GOLGA4: variants seen among roughly 807,000 people sequenced by gnomAD.
The protein encoded by GOLGA4 is golgin subfamily A member 4.
Under a neutral mutation model 265.9 loss-of-function variants are expected in GOLGA4, and 169 were observed. The observed-to-expected ratio is 0.64, with a 90% CI of 0.56 to 0.72. The LOEUF (loss-of-function observed/expected upper bound fraction) is 0.72, where lower values mean the gene tolerates loss of function less well. GOLGA4 is among the 30% of genes least tolerant of loss of function. GOLGA4 has a pLI of 0.00. For missense variants in GOLGA4, 2,482 were observed against 2,483.4 expected, an observed-to-expected ratio of 1.00 and a Z score of 0.01; for synonymous variants, 923 against 855.8, an observed-to-expected ratio of 1.08 and a Z score of -1.37.
intron 2 of GOLGA4, among the ~76,000 whole-genome samples, chr3:37,263,641 C>T (rs1415839232): frequency 1.3e-5 from 2 of 152,038 alleles, no homozygotes; most frequent in South Asian, 2.1e-4. Context: ...AACAAAGACT[C>T]CTTAGGCTTT....
At chr3:37,256,219 G>C (rs1380023256) in intron 2 of GOLGA4, among the ~76,000 whole-genome samples, 5 of 151,944 alleles carry the variant, frequency 3.3e-5, no homozygotes, top group African/African-American at 1.2e-4. Flanking sequence ...TGTTCTCTTT[G>C]ATACCACACT....
intron 23 of GOLGA4, 82 bp from the exon 24 acceptor site, chr3:37,365,998 A>C (rs17266090): frequency 2.5e-6 from 3 of 1,198,730 alleles, no homozygotes; most frequent in African/African-American, 1.5e-5. Context: ...ACTTGAAAAA[A>C]CAAATATCCC....
chr3:37,361,347 A>G, intron 23 of GOLGA4, 42 bp downstream of exon 23: 1 of 1,411,602 alleles, frequency 7.1e-7, no homozygotes, highest in Admixed American at 1.7e-5. Flanking sequence ...TGCAAAAATC[A>G]AATGTGTTGC....
At chr3:37,257,594 C>G (rs1404950906) in intron 2 of GOLGA4, among the ~76,000 whole-genome samples, 1 of 151,800 alleles carries the variant, frequency 6.6e-6, no homozygotes, top group Non-Finnish European at 1.5e-5. Context: ...GGGGCTGCTC[C>G]CCTTCCTCTT....
intron 2 of GOLGA4, chr3:37,276,063 A>G (rs2096817242): frequency 1.2e-6 from 2 of 1,612,548 alleles, no homozygotes; most frequent in Admixed American, 3.3e-5. Flanking sequence ...AATGCTCGAG[A>G]TACTTATGTT....
chr3:37,355,256 A>G (rs2151070237), intron 22 of GOLGA4, 69 bp downstream of exon 22: 1 of 815,558 alleles, frequency 1.2e-6, no homozygotes, highest in Non-Finnish European at 2.1e-6. Flanking sequence ...CTCATTTATA[A>G]GGACTTTTGA....
intron 7 of GOLGA4, among the ~76,000 whole-genome samples, chr3:37,296,815 C>T (rs1467854224): frequency 6.6e-6 from 1 of 152,186 alleles, no homozygotes; most frequent in Non-Finnish European, 1.5e-5. Context: ...AAGTAATCTA[C>T]CTGCCTCAGC....
At chr3:37,311,514 G>T (rs559236845) in intron 10 of GOLGA4, among the ~76,000 whole-genome samples, 1 of 152,268 alleles carries the variant, frequency 6.6e-6, no homozygotes, top group African/African-American at 2.4e-5. Context: ...ATATGGCAAG[G>T]TATGGATCGT....
chr3:37,299,122 G>C, intron 8 of GOLGA4, 102 bp downstream of exon 8: 1 of 1,088,100 alleles, frequency 9.2e-7, no homozygotes, highest in Admixed American at 2.5e-5. Flanking sequence ...TGGATGGAAA[G>C]GGCATTTTTG....
rs184643671 is a variant in GOLGA4, at chr3:37,305,470, A to G, written c.1234+3138A>G. Reference sequence around the variant, plus strand: ...TCTAAACAGAACTGTTCAAGTAGGAAGTGATTCTTAGTTCAAATGTAAAGG... The same window carrying G: ...TCTAAACAGAACTGTTCAAGTAGGAGGTGATTCTTAGTTCAAATGTAAAGG... On this transcript the variant is annotated intron_variant, in intron 10 of 23. Coordinates refer to ENST00000361924, the MANE Select transcript of GOLGA4 (RefSeq NM_002078.5). Among the ~76,000 whole-genome samples the G allele has an allele frequency of 2.9e-3, 445 of 152,328 alleles. 3 individuals are homozygous for G. Among genetic ancestry groups the G allele is most frequent in the African/African-American group, 0.01 (433 of 41,584 alleles).
chr3:37,267,448 A>C (rs1486363147), intron 2 of GOLGA4, among the ~76,000 whole-genome samples: 1 of 152,214 alleles, frequency 6.6e-6, no homozygotes, highest in Admixed American at 6.5e-5. Context: ...TTATATATTA[A>C]ACATCTGAAA....
At chr3:37,337,803 C>A (rs2151008625) in intron 19 of GOLGA4, 69 bp downstream of exon 19, 1 of 997,672 alleles carries the variant, frequency 1.0e-6, no homozygotes, top group Admixed American at 1.9e-5. Flanking sequence ...ATCTCAGCTA[C>A]TTTTTAAATA....
At chr3:37,340,029 A>G in intron 19 of GOLGA4, 95 bp from the exon 20 acceptor site, 1 of 594,982 alleles carries the variant, frequency 1.7e-6, no homozygotes, top group Non-Finnish European at 3.0e-6. Context: ...TTCTGTCTTC[A>G]GCATTAAAAA....
intron 10 of GOLGA4, among the ~76,000 whole-genome samples, chr3:37,310,517 T>C (rs1403011887): frequency 2.0e-5 from 3 of 152,206 alleles, no homozygotes; most frequent in Non-Finnish European, 4.4e-5. Context: ...GGTTGGATTA[T>C]TGAGCTACAG....
intron 7 of GOLGA4, among the ~76,000 whole-genome samples, chr3:37,298,243 C>T (rs2096883813): frequency 6.6e-6 from 1 of 152,164 alleles, no homozygotes; most frequent in Admixed American, 6.5e-5. Context: ...TCTCGCCAAG[C>T]ATTCACGGAT....
At chr3:37,342,065 G>A (rs374684002) in intron 20 of GOLGA4, among the ~76,000 whole-genome samples, 137 of 152,208 alleles carry the variant, frequency 9.0e-4, no homozygotes, top group African/African-American at 2.9e-3. Context: ...AAATGAGGCC[G>A]GGTGGGGTGG....
chr3:37,287,194 A>G (rs2096851861), intron 4 of GOLGA4, among the ~76,000 whole-genome samples: 2 of 152,156 alleles, frequency 1.3e-5, no homozygotes, highest in Non-Finnish European at 2.9e-5. Context: ...TACAAAAATC[A>G]GCCGGGTGTG....
At chr3:37,262,836 T>A (rs1405813197) in intron 2 of GOLGA4, among the ~76,000 whole-genome samples, 1 of 152,128 alleles carries the variant, frequency 6.6e-6, no homozygotes, top group Non-Finnish European at 1.5e-5. Context: ...ATGTGCCTCA[T>A]AATGATGTTT....
rs146072623 is a variant in GOLGA4, at chr3:37,281,974, C to T, written c.179C>T (p.Ser60Phe). Residue 60 changes from serine to phenylalanine, a missense_variant, in exon 3 of 24, where the codon TCT becomes TTT. Physicochemically the swap from Ser to Phe is radical, Grantham distance 155 (BLOSUM62 -2). Around this residue, in one of 3 missense-constraint regions of GOLGA4, gnomAD observed 1,536 missense variants for 1,483.7 expected, o/e 1.04. Coordinates refer to ENST00000361924, the MANE Select transcript of GOLGA4 (RefSeq NM_002078.5). ...TGGTTGCAGTCAGGTGACACACAGT[C>T]TTTTGCACAGAAGCTCCAGCTCCGG... ...TPNRESGDTQ[S>F]FAQKLQLRVP... The T allele has an allele frequency of 3.1e-4, 502 of 1,613,262 alleles. 1 individual carries two copies. The African/African-American group carries it at 6.2e-3, about 20-fold the overall frequency.
Sources: gnomAD v4.1 joint callset for allele counts (sites outside exome capture counted in the v4.1 genomes callset) on GRCh38, gnomAD v4.1.1 for gene constraint, gnomAD v4.1.1 regional missense constraint, MANE v1.5 for transcripts, NCBI Gene and HGNC (gene_info 2026-07-23, HGNC 2026-07-21) for gene names.